Variants in CHN1 observed in about 807,000 individuals in gnomAD.
CHN1 encodes chimerin 1, also known as N-chimaerin.
A neutral mutation model predicts 59.5 loss-of-function variants in CHN1; 37 were observed. That is an observed-to-expected ratio of 0.62 (90% CI 0.48 to 0.82). The LOEUF (loss-of-function observed/expected upper bound fraction) is 0.82. Ranked by LOEUF, CHN1 falls within the 40% of genes least tolerant of loss-of-function variation. The probability of loss-of-function intolerance (pLI) is 0.00; values close to 1 mark genes in which losing one functional copy is unlikely to be tolerated. For synonymous variants in CHN1, 206 were observed against 200.4 expected (o/e 1.03, Z -0.24); for missense variants, 469 against 571.0 (o/e 0.82, Z 1.82).
chr2:174,895,032 TACACACACACACGCGCGCACAC>T (rs907850672), intron 5 of CHN1, among the ~76,000 whole-genome samples: 38 of 145,048 alleles, frequency 2.6e-4, no homozygotes, highest in Admixed American at 2.2e-3. Context: ...ACATAGTATA[TACACACACACACGCGCGCACAC>T]ACACACACAC....
intron 6 of CHN1, among the ~76,000 whole-genome samples, chr2:174,871,744 C>T (rs569619450): frequency 6.6e-6 from 1 of 152,244 alleles, no homozygotes; most frequent in South Asian, 2.1e-4. Flanking sequence ...CTCCTGCTTT[C>T]AAGATGCCTA....
At chr2:174,962,145 C>T (rs1338789709) in intron 1 of CHN1, among the ~76,000 whole-genome samples, 1 of 151,920 alleles carries the variant, frequency 6.6e-6, no homozygotes, top group African/African-American at 2.4e-5. Flanking sequence ...ATTAGCCGGG[C>T]GGGGTGGCGC....
chr2:174,863,748 T>A (rs1687133449), intron 6 of CHN1, among the ~76,000 whole-genome samples: 1 of 152,130 alleles, frequency 6.6e-6, no homozygotes, highest in African/African-American at 2.4e-5. Flanking sequence ...ATCACACATG[T>A]GATATAGATG....
At position 174,934,310 on chromosome 2, in the gene CHN1, C is replaced by T. The variant is rs148121352; in HGVS notation, c.114+10578G>A. On this transcript the variant is annotated intron_variant, in intron 3 of 12. Transcript: ENST00000409900. The stretch of plus-strand genomic sequence containing the variant: ...AGGCATTAGATTTTCATAAGAAGTG[C>T]ACAACCTAGATCCCTTGCATGGGCA... Among the ~76,000 whole-genome samples, 574 of 152,282 alleles carry T rather than the reference C, an allele frequency of 3.8e-3. 4 individuals are homozygous for T. Among genetic ancestry groups the T allele is most frequent in the African/African-American group, 0.013 (545 of 41,550 alleles).
intron 5 of CHN1, among the ~76,000 whole-genome samples, chr2:174,889,092 G>C (rs1687974624): frequency 6.6e-6 from 1 of 152,162 alleles, no homozygotes; most frequent in Non-Finnish European, 1.5e-5. Flanking sequence ...GAGGGAGCAA[G>C]AGATTAAAAG....
At chr2:174,853,329 C>CA (rs1279386222) in intron 6 of CHN1, among the ~76,000 whole-genome samples, 1 of 140,418 alleles carries the variant, frequency 7.1e-6, no homozygotes, top group East Asian at 1.9e-4. Flanking sequence ...AAATGGCTGA[C>CA]AAACATATGA....
intron 12 of CHN1, among the ~76,000 whole-genome samples, chr2:174,800,746 G>A (rs192537461): frequency 9.2e-4 from 102 of 111,142 alleles, no homozygotes; most frequent in Admixed American, 1.6e-3. Context: ...TAAGCAATGG[G>A]TAGGCACCAT....
chr2:174,847,821 AAATG>A lies in CHN1; in HGVS notation c.550-868_550-865del, dbSNP rs1246805211. On this transcript the variant is annotated intron_variant, in intron 6 of 12. Coordinates refer to ENST00000409900, the MANE Select transcript of CHN1 (RefSeq NM_001822.7). ...AAAAAATCAGTGGGAAGGTAATGAG[AAATG>A]AATGAGTCATGCATTATTGCAAAAT... 8.1e-6 allele frequency: 4 copies of A among 493,978 alleles called. No homozygotes were observed. The East Asian group carries it at 2.0e-4, about 25-fold the overall frequency. 30.6% of individuals were successfully genotyped at this position (493,978 alleles called of 1,614,324 possible).
chr2:174,926,121 C>T (rs1689158285), intron 3 of CHN1, among the ~76,000 whole-genome samples: 1 of 151,884 alleles, frequency 6.6e-6, no homozygotes, highest in Non-Finnish European at 1.5e-5. Flanking sequence ...GCAGATCAAT[C>T]ATTTTGCAAT....
intron 1 of CHN1, among the ~76,000 whole-genome samples, chr2:174,988,226 G>A (rs914994695): frequency 4.0e-5 from 6 of 151,510 alleles, no homozygotes; most frequent in Admixed American, 6.6e-5. Flanking sequence ...GCATGGTGGT[G>A]CGCGCCTGTA....
intron 1 of CHN1, among the ~76,000 whole-genome samples, chr2:174,988,344 G>C (rs1691422249): frequency 7.2e-6 from 1 of 138,962 alleles, no homozygotes. Flanking sequence ...GCAACAGAGT[G>C]AAACTCCGTC....
intron 1 of CHN1, among the ~76,000 whole-genome samples, chr2:174,955,207 A>C (rs1398268668): frequency 1.5e-4 from 6 of 40,418 alleles, no homozygotes; most frequent in African/African-American, 9.6e-4. Context: ...TATAATTGAT[A>C]TATATATATA....
At chr2:174,961,838 G>C (rs978207553) in intron 1 of CHN1, among the ~76,000 whole-genome samples, 49 of 152,222 alleles carry the variant, frequency 3.2e-4, no homozygotes, top group African/African-American at 1.1e-3. Flanking sequence ...AAGAGAATGA[G>C]AGTGATGAAA....
At chr2:175,004,317 T>C (rs1446407200) in intron 1 of CHN1, among the ~76,000 whole-genome samples, 1 of 152,228 alleles carries the variant, frequency 6.6e-6, no homozygotes, top group African/African-American at 2.4e-5. Context: ...AGATTACAGT[T>C]ATCTTCTGGT....
At chr2:174,967,300 G>A (rs1249729706) in intron 1 of CHN1, among the ~76,000 whole-genome samples, 2 of 152,086 alleles carry the variant, frequency 1.3e-5, no homozygotes, top group Non-Finnish European at 2.9e-5. Context: ...AGACTGCAGG[G>A]AGCCCAGACG....
intron 1 of CHN1, among the ~76,000 whole-genome samples, chr2:174,969,226 A>G (rs1265258824): frequency 6.6e-6 from 1 of 152,184 alleles, no homozygotes; most frequent in Non-Finnish European, 1.5e-5. Flanking sequence ...GTTCTCTCCA[A>G]TGACTTCCTG....
intron 1 of CHN1, among the ~76,000 whole-genome samples, chr2:174,953,295 A>G (rs907756155): frequency 2.0e-5 from 3 of 152,230 alleles, no homozygotes; most frequent in African/African-American, 2.4e-5. Flanking sequence ...CACTTCATTT[A>G]TAATGTGTTA....
chr2:174,930,115 CTTT>C (rs962414384), intron 3 of CHN1, among the ~76,000 whole-genome samples: 9 of 152,188 alleles, frequency 5.9e-5, no homozygotes, highest in African/African-American at 2.2e-4. Context: ...TCACAGGAAA[CTTT>C]TTTATACCAG....
chr2:174,917,064 T>C (rs142090208), intron 4 of CHN1, among the ~76,000 whole-genome samples: 7,483 of 152,118 alleles, frequency 0.049, 600 homozygotes, highest in African/African-American at 0.17. Flanking sequence ...GTGGTGGCAG[T>C]TGCCTGTAGT....
Sources: allele counts gnomAD v4.1 joint callset (sites outside exome capture counted in the v4.1 genomes callset), GRCh38; gene constraint gnomAD v4.1.1; transcripts MANE v1.5; gene names NCBI Gene and HGNC (gene_info 2026-07-23, HGNC 2026-07-21).